Variants in ARHGEF9 observed in about 807,000 individuals in gnomAD.
ARHGEF9 encodes rho guanine nucleotide exchange factor 9.
Under a neutral mutation model 41.3 loss-of-function variants are expected in ARHGEF9, and 2 were observed. The observed-to-expected ratio is 0.05, with a 90% CI of 0.02 to 0.15. The LOEUF is 0.15. Ranked by LOEUF, ARHGEF9 falls within the 10% of genes least tolerant of loss-of-function variation. The probability of loss-of-function intolerance (pLI) is 1.00; values close to 1 mark genes in which losing one functional copy is unlikely to be tolerated. For synonymous variants in ARHGEF9, 160 were observed against 154.4 expected (o/e 1.04, Z -0.27); for missense variants, 225 against 424.7 (o/e 0.53, Z 4.13).
chrX:63,707,986 A>T (rs1556403932), intron 2 of ARHGEF9, among the ~76,000 whole-genome samples: 4 of 111,729 alleles, frequency 3.6e-5, no homozygotes, highest in Admixed American at 9.5e-5. Flanking sequence ...CTCTATCCAA[A>T]ACCTATCACC....
At chrX:63,763,575 C>A (rs1368037676) in intron 1 of ARHGEF9, among the ~76,000 whole-genome samples, 3 of 108,298 alleles carry the variant, frequency 2.8e-5, no homozygotes, top group South Asian at 8.2e-4. Context: ...TGAGATCCAA[C>A]CTTAGTTCTT....
chrX:63,652,390 T>C (rs1466946846), intron 8 of ARHGEF9, among the ~76,000 whole-genome samples: 1 of 111,503 alleles, frequency 9.0e-6, no homozygotes, highest in Non-Finnish European at 1.9e-5. Context: ...CAATACAGTA[T>C]AACAATTATT....
chrX:63,671,937 T>C (rs370933136), intron 6 of ARHGEF9, among the ~76,000 whole-genome samples: 1 of 112,215 alleles, frequency 8.9e-6, no homozygotes, highest in East Asian at 2.8e-4. Flanking sequence ...CACAGTGACC[T>C]CAGTCTGACA....
Position 63,674,124 on chromosome X carries a change from C to A in ARHGEF9, c.859G>T (p.Val287Leu). The A allele has an allele frequency of 8.3e-7, 1 of 1,211,229 alleles. No homozygotes were observed. The highest frequency in any genetic ancestry group is 1.1e-6 in the Non-Finnish European group (1 of 895,176). The stretch of plus-strand genomic sequence containing the variant: ...TTGCGTTCGTTGATCTGCTGAGTCA[C>A]ATTTCTCATGACAGCCAAAGCAGCT... ...VAAALAVMRN[V>L]TQQINERKRR... The change falls in exon 6 of 10, where the codon GTG becomes TTG. Residue 287 changes from valine (V) to leucine (L), a missense_variant. This residue lies in a region of ARHGEF9 where 36 missense variants were observed against 113.6 expected (regional missense o/e 0.32). Coordinates refer to ENST00000671741, the MANE Select transcript of ARHGEF9 (RefSeq NM_001353921.2).
chrX:63,759,470 C>T (rs1407469887), intron 1 of ARHGEF9, among the ~76,000 whole-genome samples: 4 of 111,398 alleles, frequency 3.6e-5, no homozygotes, highest in African/African-American at 1.3e-4. Flanking sequence ...GCAGTTCCTC[C>T]CTCCCAAGAC....
At chrX:63,778,863 C>T (rs189391200) in intron 1 of ARHGEF9, among the ~76,000 whole-genome samples, 4 of 112,262 alleles carry the variant, frequency 3.6e-5, no homozygotes, top group East Asian at 2.8e-4. Context: ...TCTGAGACCA[C>T]CTCAGCCTGG....
At chrX:63,742,267 C>A (rs782385923) in intron 1 of ARHGEF9, among the ~76,000 whole-genome samples, 1 of 111,804 alleles carries the variant, frequency 8.9e-6, no homozygotes, top group South Asian at 3.8e-4. Flanking sequence ...CCTGCCTCTC[C>A]TTAGACCTCA....
At chrX:63,689,833 TAAG>T (rs782150122) in intron 4 of ARHGEF9, among the ~76,000 whole-genome samples, 1 of 111,953 alleles carries the variant, frequency 8.9e-6, no homozygotes, top group Non-Finnish European at 1.9e-5. Flanking sequence ...TAGAAATCAG[TAAG>T]AAGAGCACTT....
intron 8 of ARHGEF9, among the ~76,000 whole-genome samples, chrX:63,650,423 T>C (rs2048467765): frequency 9.0e-6 from 1 of 111,150 alleles, no homozygotes; most frequent in African/African-American, 3.3e-5. Context: ...AATAAGATTA[T>C]TTTCCCTCAT....
intron 2 of ARHGEF9, among the ~76,000 whole-genome samples, chrX:63,710,428 A>G (rs2052858556): frequency 9.0e-6 from 1 of 110,922 alleles, no homozygotes; most frequent in Non-Finnish European, 1.9e-5. Context: ...GAAATCCTCA[A>G]TAAAATACTA....
chrX:63,760,651 TCTC>T (rs1426958181), intron 1 of ARHGEF9, among the ~76,000 whole-genome samples: 7 of 111,399 alleles, frequency 6.3e-5, no homozygotes, highest in Non-Finnish European at 1.3e-4. Flanking sequence ...AAAGAGATCA[TCTC>T]CTCCCAACCT....
At chrX:63,755,286 C>T (rs2055893216) in intron 1 of ARHGEF9, 6 of 892,941 alleles carry the variant, frequency 6.7e-6, no homozygotes, top group Admixed American at 1.2e-4. Context: ...TAGCCGCGAC[C>T]GCCAATCAGA....
chrX:63,672,303 T>C (rs2050008711), intron 6 of ARHGEF9, among the ~76,000 whole-genome samples: 2 of 109,716 alleles, frequency 1.8e-5, no homozygotes, highest in Non-Finnish European at 1.9e-5. Context: ...ACCCAGTCTA[T>C]GGTATTTTGT....
At chrX:63,735,763 A>T (rs1483736581) in intron 1 of ARHGEF9, among the ~76,000 whole-genome samples, 1 of 110,508 alleles carries the variant, frequency 9.0e-6, no homozygotes, top group Non-Finnish European at 1.9e-5. Context: ...GCTTGCAAAA[A>T]CTCTAGACCT....
intron 4 of ARHGEF9, among the ~76,000 whole-genome samples, chrX:63,686,173 A>G (rs1251245536): frequency 4.2e-4 from 47 of 112,210 alleles, no homozygotes; most frequent in African/African-American, 1.5e-3. Context: ...ACACAATGGA[A>G]TAGTATTCAG....
chrX:63,674,096 C>T lies in ARHGEF9; in HGVS notation c.887G>A (p.Arg296Gln), dbSNP rs782201685. 1.7e-6 allele frequency: 2 copies of T among 1,210,716 alleles called. No individual in the cohort carries two copies. Among genetic ancestry groups the T allele is most frequent in the Admixed American group, 2.2e-5 (1 of 45,989 alleles). Residue 296 changes from arginine to glutamine, a missense_variant, in exon 6 of 10, where the codon CGA becomes CAA. Arg to Gln is a conservative substitution (Grantham distance 43). Around this residue, in one of 3 missense-constraint regions of ARHGEF9, gnomAD observed 36 missense variants for 113.6 expected, o/e 0.32. Coordinates refer to ENST00000671741, the MANE Select transcript of ARHGEF9 (RefSeq NM_001353921.2). Reference sequence around the variant, plus strand: ...AATCTTGTCAATATTCTCTAAACGTCGCTTGCGTTCGTTGATCTGCTGAGT... The same window carrying T: ...AATCTTGTCAATATTCTCTAAACGTTGCTTGCGTTCGTTGATCTGCTGAGT... ...NVTQQINERK[R>Q]RLENIDKIAQ...
At position 63,635,157 on chromosome X, in the gene ARHGEF9, C is replaced by T; in HGVS notation, c.*2871G>A. 2.5e-6 allele frequency: 1 copy of T among 393,367 alleles called. No homozygotes were observed. The highest frequency in any genetic ancestry group is 4.4e-6 in the Non-Finnish European group (1 of 225,862). 32.4% of individuals were successfully genotyped at this position (393,367 alleles called of 1,213,427 possible). Reference sequence around the variant, plus strand: ...CAAGGGTAATCAAAGTCACTGTTGCCCATCCATCCACCCCAGCCCACCCCA... The same window carrying T: ...CAAGGGTAATCAAAGTCACTGTTGCTCATCCATCCACCCCAGCCCACCCCA... On this transcript the variant is annotated 3_prime_UTR_variant, in exon 10 of 10. Coordinates refer to ENST00000671741, the MANE Select transcript of ARHGEF9 (RefSeq NM_001353921.2).
At chrX:63,744,895 G>T (rs1443979201) in intron 1 of ARHGEF9, among the ~76,000 whole-genome samples, 1 of 111,774 alleles carries the variant, frequency 8.9e-6, no homozygotes, top group Non-Finnish European at 1.9e-5. Flanking sequence ...TCATCATTTT[G>T]CTTTTGTTCT....
At chrX:63,665,827 G>A in intron 7 of ARHGEF9, 59 bp downstream of exon 7, 2 of 1,184,129 alleles carry the variant, frequency 1.7e-6, no homozygotes, top group African/African-American at 1.8e-5. Flanking sequence ...TGATGAAGAG[G>A]AGGGTCCGGT....
Sources: gnomAD v4.1 joint callset for allele counts (sites outside exome capture counted in the v4.1 genomes callset) on GRCh38, gnomAD v4.1.1 for gene constraint, gnomAD v4.1.1 regional missense constraint, MANE v1.5 for transcripts, NCBI Gene and HGNC (gene_info 2026-07-23, HGNC 2026-07-21) for gene names.